The following CNR2 variants were observed in gnomAD, a reference collection of about 807,000 sequenced individuals.
CNR2 encodes the protein cannabinoid receptor 2 (macrophage).
For synonymous variants in CNR2, 172 were observed against 182.2 expected, an observed-to-expected ratio of 0.94 and a Z score of 0.45; for missense variants, 379 against 439.9, an observed-to-expected ratio of 0.86 and a Z score of 1.24.
At chr1:23,890,276 A>G (rs1291834091) in intron 1 of CNR2, among the ~76,000 whole-genome samples, 4 of 137,026 alleles carry the variant, frequency 2.9e-5, no homozygotes, top group South Asian at 2.3e-4. Context: ...AAAAAAAAAG[A>G]AAAGAAAAGA....
In CNR2 at chr1:23,875,302, A is replaced by G; in HGVS notation, c.316T>C (p.Phe106Leu). The stretch of plus-strand genomic sequence containing the variant: ...GTCACGCTGCCAATCTTCAGCAGGA[A>G]GACAGCCTTGGAATCCACACCATGG... ...VFHGVDSKAV[F>L]LLKIGSVTMT... Residue 106 changes from phenylalanine to leucine, a missense_variant, in exon 2 of 2, where the codon TTC becomes CTC. Transcript: ENST00000374472. The G allele has an allele frequency of 6.2e-7, 1 of 1,614,240 alleles. No individual in the cohort carries two copies. Among genetic ancestry groups the G allele is most frequent in the Non-Finnish European group, 8.5e-7 (1 of 1,180,044 alleles).
chr1:23,905,731 G>A (rs1057188006), intron 1 of CNR2, among the ~76,000 whole-genome samples: 2 of 152,074 alleles, frequency 1.3e-5, no homozygotes, highest in East Asian at 1.9e-4. Context: ...ACGGAGAGAC[G>A]AGGAACAGCC....
At position 23,888,642 on chromosome 1, in the gene CNR2, G is replaced by A. The variant is rs1570710477; in HGVS notation, c.-45-12980C>T. ...AGATGTAAGAGTAAAAGAGAAGCGG[G>A]AGTCTTTCTGAACCTATTCTGGGCT... On this transcript the variant is annotated intron_variant, in intron 1 of 1. Coordinates refer to ENST00000374472, the MANE Select transcript of CNR2 (RefSeq NM_001841.3). 2.6e-5 allele frequency among the ~76,000 whole-genome samples: 4 copies of A among 152,228 alleles called. No individual in the cohort carries two copies. The Middle Eastern group carries it at 0.014, about 518-fold the overall frequency.
At chr1:23,910,793 G>A (rs1164991845) in intron 1 of CNR2, among the ~76,000 whole-genome samples, 1 of 152,058 alleles carries the variant, frequency 6.6e-6, no homozygotes, top group African/African-American at 2.4e-5. Flanking sequence ...AGAAACTGAG[G>A]TTCAGAAAGG....
At chr1:23,898,129 C>G (rs1369507222) in intron 1 of CNR2, among the ~76,000 whole-genome samples, 5 of 151,118 alleles carry the variant, frequency 3.3e-5, no homozygotes, top group Non-Finnish European at 1.5e-5. Context: ...TGGGTTCACG[C>G]CATTCTCCTG....
chr1:23,881,507 C>T (rs1428216298), intron 1 of CNR2, among the ~76,000 whole-genome samples: 1 of 151,630 alleles, frequency 6.6e-6, no homozygotes, highest in Non-Finnish European at 1.5e-5. Context: ...GCAGGAGAAT[C>T]GTTTGAACCT....
rs545459615 is a variant in CNR2 at position 23,871,795 on chromosome 1, A to G, written c.*2740T>C. ...GGTTAAATTAAGATGAAGTCATACT[A>G]TTAGGATTAGGGTGGGCCCAAATCC... On this transcript the variant is annotated 3_prime_UTR_variant, in exon 2 of 2. Coordinates refer to ENST00000374472, the MANE Select transcript of CNR2 (RefSeq NM_001841.3). The G allele has an allele frequency of 6.6e-6, 1 of 152,306 alleles. No homozygotes were observed. Among genetic ancestry groups the G allele is most frequent in the South Asian group, 2.1e-4 (1 of 4,824 alleles). The allele number at this position is 152,306 out of a possible 1,614,324, so 9.4% of individuals were successfully genotyped here.
In CNR2 at chr1:23,872,307, T is replaced by C. The variant is rs1639778129; in HGVS notation, c.*2228A>G. ...TAAACTTTTGGAGGGAGCAGGGCCC[T>C]ACCACATCTTGATTTTGACTTCTGG... is the stretch of plus-strand genomic sequence containing the variant. On this transcript the variant is annotated 3_prime_UTR_variant, in exon 2 of 2. Coordinates refer to ENST00000374472, the MANE Select transcript of CNR2 (RefSeq NM_001841.3). The C allele has an allele frequency of 6.6e-6, 1 of 151,916 alleles. No homozygotes were observed. Among genetic ancestry groups the C allele is most frequent in the African/African-American group, 2.4e-5 (1 of 41,370 alleles). 9.4% of individuals were successfully genotyped at this position (151,916 alleles called of 1,614,324 possible).
At chr1:23,901,289 G>A (rs553711978) in intron 1 of CNR2, among the ~76,000 whole-genome samples, 92 of 152,226 alleles carry the variant, frequency 6.0e-4, no homozygotes, top group African/African-American at 2.1e-3. Context: ...AGATGCCTAA[G>A]ACTCCAATCC....
Position 23,874,722 on chromosome 1 carries a change from T to C in CNR2, c.896A>G (p.Tyr299Cys). Residue 299 changes from tyrosine (Y) to cysteine (C), a missense_variant, in exon 2 of 2, where the codon TAT becomes TGT. Tyr to Cys is a radical substitution (Grantham distance 194). Transcript: ENST00000374472. ...LINSMVNPVI[Y>C]ALRSGEIRSS... The stretch of plus-strand genomic sequence containing the variant: ...GCGGATCTCTCCACTCCGTAGAGCA[T>C]AGATGACAGGGTTGACCATGGAGTT... 1 of 1,614,112 alleles carries C rather than the reference T, an allele frequency of 6.2e-7. No individual in the cohort carries two copies. Among genetic ancestry groups the C allele is most frequent in the Non-Finnish European group, 8.5e-7 (1 of 1,180,004 alleles).
chr1:23,900,079 C>T (rs1570718896), intron 1 of CNR2, among the ~76,000 whole-genome samples: 1 of 151,396 alleles, frequency 6.6e-6, no homozygotes, highest in East Asian at 2.0e-4. Context: ...GCGATCAGTG[C>T]TTGAGATACT....
chr1:23,898,279 C>A (rs1422578420), intron 1 of CNR2, among the ~76,000 whole-genome samples: 1 of 149,840 alleles, frequency 6.7e-6, no homozygotes, highest in African/African-American at 2.5e-5. Flanking sequence ...CCTTGTGATC[C>A]GCCCGCCTCA....
intron 1 of CNR2, among the ~76,000 whole-genome samples, chr1:23,882,543 C>T (rs1479616000): frequency 1.3e-5 from 2 of 151,900 alleles, no homozygotes; most frequent in South Asian, 2.1e-4. Flanking sequence ...CGGTGGCTTA[C>T]ACCTGTAATC....
In CNR2 at chr1:23,874,551, T is replaced by C; in HGVS notation, c.1067A>G (p.Asp356Gly). ...GAGGCCTCATCAGCAATCAGAGAGG[T>C]CTAGATCTCTGGAATCTGGCCACGG... is the stretch of plus-strand genomic sequence containing the variant. ...ITPWPDSRDL[D>G]LSDC Residue 356 changes from aspartate to glycine, a missense_variant, in exon 2 of 2, where the codon GAC (aspartate) becomes GGC (glycine). Asp to Gly is a moderately conservative substitution (Grantham distance 94, BLOSUM62 -1). Coordinates refer to ENST00000374472, the MANE Select transcript of CNR2 (RefSeq NM_001841.3). 1 of 1,613,676 alleles carries C rather than the reference T, an allele frequency of 6.2e-7. No homozygotes were observed. Among genetic ancestry groups the C allele is most frequent in the Non-Finnish European group, 8.5e-7 (1 of 1,179,878 alleles).
intron 1 of CNR2, among the ~76,000 whole-genome samples, chr1:23,878,282 T>G (rs572384132): frequency 6.6e-6 from 1 of 152,114 alleles, no homozygotes; most frequent in African/African-American, 2.4e-5. Context: ...GAGGATCACT[T>G]GAGCCCAGGG....
At chr1:23,880,626 C>T (rs138639956) in intron 1 of CNR2, among the ~76,000 whole-genome samples, 2,133 of 151,998 alleles carry the variant, frequency 0.014, 58 homozygotes, top group African/African-American at 0.05. Context: ...AGTGCAATGG[C>T]GCGATCTTGG....
intron 1 of CNR2, among the ~76,000 whole-genome samples, chr1:23,889,464 T>C (rs1640150275): frequency 6.6e-6 from 1 of 152,140 alleles, no homozygotes; most frequent in Non-Finnish European, 1.5e-5. Context: ...CCTTTTCCTA[T>C]CTAAGGCCTT....
Position 23,875,436 on chromosome 1 carries a change from G to A in CNR2, c.182C>T (p.Ser61Phe), listed in dbSNP as rs770828039. Residue 61 changes from serine (S) to phenylalanine (F), a missense_variant, in exon 2 of 2, where the codon TCC becomes TTC. Transcript: ENST00000374472. ...TGAGGGCTTCCGGCGGAGTTGGTGG[G>A]AGGACAGGATCAGATAGAGCACAGC... ...NVAVLYLILS[S>F]HQLRRKPSYL... 35 of 1,614,098 alleles carry A rather than the reference G, an allele frequency of 2.2e-5. No homozygotes were observed. The Admixed American group carries it at 5.7e-4, about 26-fold the overall frequency.
intron 1 of CNR2, among the ~76,000 whole-genome samples, chr1:23,898,864 G>C (rs540343694): frequency 2.0e-5 from 3 of 151,118 alleles, no homozygotes; most frequent in Non-Finnish European, 4.4e-5. Flanking sequence ...TGTTGGCCAG[G>C]CTGGTCTCCA....
Sources: allele counts gnomAD v4.1 joint callset (sites outside exome capture counted in the v4.1 genomes callset), GRCh38; gene constraint gnomAD v4.1.1; transcripts MANE v1.5; gene names NCBI Gene and HGNC (gene_info 2026-07-23, HGNC 2026-07-21).